Variants in MAPK10 observed in about 807,000 individuals in gnomAD.
The protein encoded by MAPK10 is JNK3 alpha protein kinase.
MAPK10 carries 25 observed loss-of-function variants against 59.3 expected under a neutral mutation model. The ratio of observed to expected loss-of-function variants is 0.42; its 90% confidence interval spans 0.31 to 0.59. The LOEUF is 0.59. Among genes scored for constraint, MAPK10 ranks in the 20% least tolerant of loss-of-function variants. The pLI is 0.15. For synonymous variants in MAPK10, 190 were observed against 200.5 expected, an observed-to-expected ratio of 0.95 and a Z score of 0.44; for missense variants, 351 against 568.9, an observed-to-expected ratio of 0.62 and a Z score of 3.90.
At chr4:86,394,879 C>T (rs966189502) in intron 1 of MAPK10, among the ~76,000 whole-genome samples, 3 of 152,156 alleles carry the variant, frequency 2.0e-5, no homozygotes, top group Admixed American at 6.5e-5. Flanking sequence ...AAGTGACAGC[C>T]AAAGGTTCTG....
At chr4:86,408,466 G>T (rs1284724875) in intron 1 of MAPK10, among the ~76,000 whole-genome samples, 1 of 152,228 alleles carries the variant, frequency 6.6e-6, no homozygotes, top group East Asian at 1.9e-4. Context: ...GATCCTTGAG[G>T]AATTGCCACA....
chr4:86,462,297 T>C (rs921701953), intron 1 of MAPK10, among the ~76,000 whole-genome samples: 9 of 152,202 alleles, frequency 5.9e-5, no homozygotes, highest in African/African-American at 2.2e-4. Flanking sequence ...AATGGGGATA[T>C]TCAAATTGTT....
chr4:86,446,221 G>A (rs1750019106), intron 1 of MAPK10, among the ~76,000 whole-genome samples: 1 of 152,048 alleles, frequency 6.6e-6, no homozygotes, highest in Admixed American at 6.6e-5. Context: ...AAGTGGATTT[G>A]GATTAGCTGT....
chr4:86,119,842 G>A (rs932130535), intron 4 of MAPK10: 1 of 152,232 alleles, frequency 6.6e-6, no homozygotes, highest in Non-Finnish European at 1.5e-5. Flanking sequence ...TGAACATGTG[G>A]TTATAAAAGC....
At chr4:86,378,331 C>T (rs1050998288) in intron 1 of MAPK10, among the ~76,000 whole-genome samples, 2 of 152,162 alleles carry the variant, frequency 1.3e-5, no homozygotes, top group Non-Finnish European at 2.9e-5. Context: ...ATCCTCCTGT[C>T]TGCAACTCTC....
chr4:86,177,160 T>C (rs2075875528), intron 3 of MAPK10, among the ~76,000 whole-genome samples: 1 of 152,126 alleles, frequency 6.6e-6, no homozygotes, highest in African/African-American at 2.4e-5. Flanking sequence ...TGCCTTCAAC[T>C]ACATCCACAG....
intron 1 of MAPK10, among the ~76,000 whole-genome samples, chr4:86,430,500 G>C (rs1030037227): frequency 1.3e-5 from 2 of 152,122 alleles, no homozygotes; most frequent in African/African-American, 4.8e-5. Context: ...ACAGCGCAAA[G>C]TTTAGACATT....
chr4:86,291,645 T>C (rs2095231889), intron 2 of MAPK10, among the ~76,000 whole-genome samples: 1 of 152,246 alleles, frequency 6.6e-6, no homozygotes, highest in South Asian at 2.1e-4. Flanking sequence ...TATACCGTAG[T>C]ATAAATTTCT....
At chr4:86,560,420 C>T (rs1578118559) in intron 1 of MAPK10, among the ~76,000 whole-genome samples, 1 of 152,306 alleles carries the variant, frequency 6.6e-6, no homozygotes. Flanking sequence ...AATAAGAGAT[C>T]TATCTTCTTT....
chr4:86,087,903 T>A (rs1199922250), intron 9 of MAPK10, among the ~76,000 whole-genome samples: 1 of 152,064 alleles, frequency 6.6e-6, no homozygotes, highest in African/African-American at 2.4e-5. Flanking sequence ...ACAACGCAAA[T>A]GGCTAATCAT....
At chr4:86,518,252 G>T (rs184942563) in intron 1 of MAPK10, among the ~76,000 whole-genome samples, 243 of 152,286 alleles carry the variant, frequency 1.6e-3, no homozygotes, top group African/African-American at 5.8e-3. Flanking sequence ...CGAAATCCTG[G>T]CCTCAAGTGA....
chr4:86,251,823 C>T (rs1474100628), intron 2 of MAPK10, among the ~76,000 whole-genome samples: 1 of 139,324 alleles, frequency 7.2e-6, no homozygotes, highest in Non-Finnish European at 1.5e-5. Context: ...TTCTCCACAT[C>T]CTCTCCAGCA....
At chr4:86,537,848 C>A (rs72665739) in intron 1 of MAPK10, among the ~76,000 whole-genome samples, 1 of 152,134 alleles carries the variant, frequency 6.6e-6, no homozygotes, top group South Asian at 2.1e-4. Flanking sequence ...ATTTATTAAT[C>A]TTTTTCTTTA....
At chr4:86,059,233 T>G (rs770366973) in intron 11 of MAPK10, among the ~76,000 whole-genome samples, 8 of 152,180 alleles carry the variant, frequency 5.3e-5, no homozygotes, top group Non-Finnish European at 1.0e-4. Flanking sequence ...TAATGTCAGA[T>G]AGTAACTCTG....
At chr4:86,522,187 G>GT (rs1189872767) in intron 1 of MAPK10, among the ~76,000 whole-genome samples, 1 of 152,186 alleles carries the variant, frequency 6.6e-6, no homozygotes, top group East Asian at 1.9e-4. Flanking sequence ...TGGAAACTCA[G>GT]TTTTTTGGCT....
At chr4:86,237,951 T>C (rs1046254852) in intron 2 of MAPK10, among the ~76,000 whole-genome samples, 1 of 152,230 alleles carries the variant, frequency 6.6e-6, no homozygotes, top group Non-Finnish European at 1.5e-5. Flanking sequence ...TTGCCTATGT[T>C]CTCTACTAGG....
intron 1 of MAPK10, among the ~76,000 whole-genome samples, chr4:86,368,220 G>A (rs1455088702): frequency 6.6e-6 from 1 of 152,044 alleles, no homozygotes; most frequent in African/African-American, 2.4e-5. Flanking sequence ...TATTTGTAGG[G>A]CAGCTTCAAG....
intron 1 of MAPK10, among the ~76,000 whole-genome samples, chr4:86,365,942 A>C (rs1363516912): frequency 2.0e-5 from 3 of 152,186 alleles, no homozygotes; most frequent in African/African-American, 7.2e-5. Flanking sequence ...TTTTATATGC[A>C]AATCTATTTA....
At chr4:86,593,170 G>A (rs1240455634) in intron 1 of MAPK10, among the ~76,000 whole-genome samples, 1 of 152,170 alleles carries the variant, frequency 6.6e-6, no homozygotes, top group East Asian at 1.9e-4. Context: ...CATCATACAT[G>A]TATGGCAGCC....
Sources: gnomAD v4.1 joint callset for allele counts (sites outside exome capture counted in the v4.1 genomes callset) on GRCh38, gnomAD v4.1.1 for gene constraint, MANE v1.5 for transcripts, NCBI Gene and HGNC (gene_info 2026-07-23, HGNC 2026-07-21) for gene names.